NIPAL2: variants seen among roughly 807,000 people sequenced by gnomAD.
NIPAL2 encodes NIPA-like protein 2.
Under a neutral mutation model 48.9 loss-of-function variants are expected in NIPAL2, and 43 were observed. The observed-to-expected ratio is 0.88, with a 90% confidence interval of 0.69 to 1.13. NIPAL2 has a LOEUF of 1.13. Among genes scored for constraint, NIPAL2 ranks in the 50% most tolerant of loss-of-function variants. The pLI is 0.00. For synonymous variants in NIPAL2, 167 were observed against 174.6 expected, an observed-to-expected ratio of 0.96 and a Z score of 0.34; for missense variants, 446 against 461.4, an observed-to-expected ratio of 0.97 and a Z score of 0.31.
intron 5 of NIPAL2, among the ~76,000 whole-genome samples, chr8:98,219,476 A>G (rs1811739440): frequency 1.3e-5 from 2 of 152,176 alleles, no homozygotes; most frequent in Admixed American, 1.3e-4. Flanking sequence ...GTTCCAGAAG[A>G]TGATGGGCCA....
intron 5 of NIPAL2, among the ~76,000 whole-genome samples, chr8:98,215,470 G>C (rs1342175172): frequency 6.6e-6 from 1 of 152,156 alleles, no homozygotes; most frequent in Non-Finnish European, 1.5e-5. Flanking sequence ...AATCTCACAG[G>C]TTAGAAAAAG....
chr8:98,254,066 G>A lies in NIPAL2; in HGVS notation c.157C>T (p.Leu53=), dbSNP rs772633812. The part of the protein sequence containing the change: ...RNQIHLFGVL[L]AILGNLVISI... ...ATCACCAAGTTTCCTAAAATAGCCA[G>A]CAAAACTCCAAAAAGGTGAATCTGT... The change falls in exon 2 of 11, where the codon CTG becomes TTG. Residue 53 remains leucine (L), a synonymous_variant. Transcript: ENST00000430223. 3.1e-6 allele frequency: 5 copies of A among 1,610,700 alleles called. No individual in the cohort carries two copies. The highest frequency in any genetic ancestry group is 4.2e-6 in the Non-Finnish European group (5 of 1,178,164).
At chr8:98,248,563 C>G (rs137887648) in intron 3 of NIPAL2, among the ~76,000 whole-genome samples, 35 of 152,328 alleles carry the variant, frequency 2.3e-4, no homozygotes, top group African/African-American at 8.2e-4. Flanking sequence ...AATAATTTGC[C>G]TAAGGTCACA....
At chr8:98,211,206 C>T (rs1161488774) in intron 6 of NIPAL2, among the ~76,000 whole-genome samples, 3 of 152,120 alleles carry the variant, frequency 2.0e-5, no homozygotes, top group African/African-American at 4.8e-5. Flanking sequence ...ACTAGGTAAA[C>T]GTATTCCATT....
chr8:98,259,113 G>C (rs1586422177), intron 1 of NIPAL2, among the ~76,000 whole-genome samples: 1 of 99,616 alleles, frequency 1.0e-5, no homozygotes, highest in African/African-American at 4.2e-5. Context: ...GTTTCGCTCT[G>C]TCGCCCAGGC....
intron 6 of NIPAL2, among the ~76,000 whole-genome samples, chr8:98,210,039 C>CT (rs1177257429): frequency 6.6e-6 from 1 of 151,664 alleles, no homozygotes; most frequent in Non-Finnish European, 1.5e-5. Flanking sequence ...TGTGGTTTTT[C>CT]TTTTTTTCTG....
At chr8:98,253,128 A>G (rs778414074) in intron 2 of NIPAL2, among the ~76,000 whole-genome samples, 3 of 151,726 alleles carry the variant, frequency 2.0e-5, no homozygotes, top group Non-Finnish European at 4.4e-5. Context: ...CCCTTATTTT[A>G]CTTACTTGTT....
chr8:98,204,424 G>A (rs1249278382), intron 7 of NIPAL2, among the ~76,000 whole-genome samples: 1 of 152,052 alleles, frequency 6.6e-6, no homozygotes, highest in Admixed American at 6.5e-5. Context: ...GCATTTTGGG[G>A]TGAACAGAAA....
chr8:98,213,611 T>C (rs1811428385), intron 5 of NIPAL2, among the ~76,000 whole-genome samples: 2 of 152,200 alleles, frequency 1.3e-5, no homozygotes, highest in South Asian at 4.1e-4. Context: ...AAAATTCTTT[T>C]TTTTTTTCCT....
intron 1 of NIPAL2, among the ~76,000 whole-genome samples, chr8:98,292,635 C>G (rs1253732294): frequency 6.6e-6 from 1 of 151,968 alleles, no homozygotes; most frequent in African/African-American, 2.4e-5. Flanking sequence ...ATCAAGAATT[C>G]CAGGAAATGT....
intron 5 of NIPAL2, among the ~76,000 whole-genome samples, chr8:98,219,487 G>C (rs928211713): frequency 5.3e-5 from 8 of 152,140 alleles, no homozygotes; most frequent in Non-Finnish European, 1.0e-4. Context: ...TGATGGGCCA[G>C]GGAGTAAATG....
chr8:98,240,003 C>T (rs142425732), intron 3 of NIPAL2, among the ~76,000 whole-genome samples: 16 of 152,222 alleles, frequency 1.1e-4, no homozygotes, highest in Non-Finnish European at 2.2e-4. Flanking sequence ...GCCTAATGAA[C>T]ACCTAGAAAA....
intron 3 of NIPAL2, among the ~76,000 whole-genome samples, chr8:98,241,847 C>T (rs190853999): frequency 1.0e-3 from 156 of 152,208 alleles, no homozygotes; most frequent in African/African-American, 3.4e-3. Context: ...ATCCTCCCAG[C>T]GTCTCAATGA....
intron 1 of NIPAL2, among the ~76,000 whole-genome samples, chr8:98,261,776 A>T (rs1164359359): frequency 6.7e-6 from 1 of 150,284 alleles, no homozygotes; most frequent in East Asian, 2.0e-4. Context: ...AAATACAGAG[A>T]ACACCACAAA....
chr8:98,259,069 CCTTTTTTTTTTT>C (rs1240561356), intron 1 of NIPAL2, among the ~76,000 whole-genome samples: 5 of 89,396 alleles, frequency 5.6e-5, no homozygotes, highest in Admixed American at 3.0e-4. Context: ...TTTAAATATT[CCTTTTTTTTTTT>C]TTTTTTTTTT....
At chr8:98,228,609 C>G (rs1563504870) in intron 4 of NIPAL2, among the ~76,000 whole-genome samples, 1 of 152,186 alleles carries the variant, frequency 6.6e-6, no homozygotes, top group Non-Finnish European at 1.5e-5. Flanking sequence ...ACTGAATACG[C>G]TTCAAAGCCC....
intron 6 of NIPAL2, among the ~76,000 whole-genome samples, chr8:98,208,162 C>T (rs1811127846): frequency 6.6e-6 from 1 of 152,162 alleles, no homozygotes; most frequent in Non-Finnish European, 1.5e-5. Context: ...TTGTATCTTT[C>T]TCTATTTTCG....
intron 8 of NIPAL2, among the ~76,000 whole-genome samples, chr8:98,198,374 C>T (rs1341257337): frequency 6.6e-6 from 1 of 152,108 alleles, no homozygotes; most frequent in East Asian, 1.9e-4. Flanking sequence ...TCTTAAGGGC[C>T]CTATGGTTTT....
At chr8:98,287,005 G>T (rs1164707875) in intron 1 of NIPAL2, among the ~76,000 whole-genome samples, 4 of 151,988 alleles carry the variant, frequency 2.6e-5, no homozygotes, top group Non-Finnish European at 4.4e-5. Context: ...TGGGTGAAGA[G>T]ATTTGACTTT....
Sources: gnomAD v4.1 joint callset for allele counts (sites outside exome capture counted in the v4.1 genomes callset) on GRCh38, gnomAD v4.1.1 for gene constraint, MANE v1.5 for transcripts, NCBI Gene and HGNC (gene_info 2026-07-23, HGNC 2026-07-21) for gene names.